The following DNAAF11 variants were observed in gnomAD, a reference collection of about 807,000 sequenced individuals.
DNAAF11 encodes the protein dynein axonemal assembly factor 11.
Under a neutral mutation model 60.8 loss-of-function variants are expected in DNAAF11, and 45 were observed. That is an observed-to-expected ratio of 0.74 (90% CI 0.58 to 0.95). The LOEUF (loss-of-function observed/expected upper bound fraction) is 0.95. DNAAF11 is among the 40% of genes least tolerant of loss of function. The probability of loss-of-function intolerance (pLI) is 0.00; values close to 1 mark genes in which losing one functional copy is unlikely to be tolerated. For missense variants in DNAAF11, 546 were observed against 546.2 expected, an observed-to-expected ratio of 1.00 and a Z score of 0.00; for synonymous variants, 191 against 183.5, an observed-to-expected ratio of 1.04 and a Z score of -0.33.
At chr8:132,692,612 T>G in the DNAAF11 span, among the ~76,000 whole-genome samples, 2 of 152,226 alleles carry the variant, frequency 1.3e-5, no homozygotes, top group African/African-American at 4.8e-5. Flanking sequence ...AGCCTAGTCA[T>G]TAGGCAGCCA....
chr8:132,615,980 G>A (rs540076515), intron 7 of DNAAF11, among the ~76,000 whole-genome samples: 1 of 152,196 alleles, frequency 6.6e-6, no homozygotes, highest in East Asian at 1.9e-4. Flanking sequence ...CAATAGTCAG[G>A]CCTGTGGGAC....
intron 3 of DNAAF11, among the ~76,000 whole-genome samples, chr8:132,654,836 T>C (rs1823388017): frequency 6.6e-6 from 1 of 151,806 alleles, no homozygotes; most frequent in Non-Finnish European, 1.5e-5. Flanking sequence ...CAACGACTCA[T>C]ATCAATAACC....
intron 5 of DNAAF11, among the ~76,000 whole-genome samples, chr8:132,630,683 A>T (rs762182343): frequency 1.3e-5 from 2 of 152,212 alleles, no homozygotes; most frequent in East Asian, 1.9e-4. Flanking sequence ...ACTCTCAATA[A>T]GAAAAAAACT....
chr8:132,639,135 T>G (rs1821605111), intron 3 of DNAAF11, among the ~76,000 whole-genome samples: 1 of 152,216 alleles, frequency 6.6e-6, no homozygotes, highest in South Asian at 2.1e-4. Context: ...AATTACCATA[T>G]GACTTCTCGG....
At chr8:132,658,375 T>A (rs1025775240) in intron 2 of DNAAF11, among the ~76,000 whole-genome samples, 3 of 152,158 alleles carry the variant, frequency 2.0e-5, no homozygotes, top group African/African-American at 7.2e-5. Flanking sequence ...CAGGCTGGAG[T>A]GCAGTGGCCC....
At chr8:132,659,325 A>G (rs1823898213) in intron 2 of DNAAF11, among the ~76,000 whole-genome samples, 1 of 152,234 alleles carries the variant, frequency 6.6e-6, no homozygotes, top group East Asian at 1.9e-4. Context: ...CTTGCTAAAT[A>G]AGTGCCTAAA....
chr8:132,699,818 A>G, the DNAAF11 span, among the ~76,000 whole-genome samples: 2 of 152,316 alleles, frequency 1.3e-5, no homozygotes, highest in East Asian at 3.9e-4. Context: ...AAACATACAA[A>G]CATTATGTTA....
At chr8:132,620,734 T>G (rs185249603) in intron 7 of DNAAF11, among the ~76,000 whole-genome samples, 2 of 152,172 alleles carry the variant, frequency 1.3e-5, no homozygotes, top group Non-Finnish European at 2.9e-5. Flanking sequence ...AATTATCTTA[T>G]GGTCTTCATG....
intron 1 of DNAAF11, among the ~76,000 whole-genome samples, chr8:132,668,243 C>T (rs949822291): frequency 6.6e-6 from 1 of 152,224 alleles, no homozygotes; most frequent in African/African-American, 2.4e-5. Flanking sequence ...CCAGGCTCAT[C>T]ATAATGAGCG....
intron 1 of DNAAF11, among the ~76,000 whole-genome samples, chr8:132,665,266 T>A (rs1301099753): frequency 6.6e-6 from 1 of 152,122 alleles, no homozygotes; most frequent in African/African-American, 2.4e-5. Flanking sequence ...TGTAAAGATA[T>A]CTTCATGGTG....
chr8:132,673,344 T>C (rs1037412619), intron 1 of DNAAF11, among the ~76,000 whole-genome samples: 1 of 152,168 alleles, frequency 6.6e-6, no homozygotes, highest in African/African-American at 2.4e-5. Context: ...AGGTAAAGCA[T>C]GTTAACCAAG....
intron 11 of DNAAF11, among the ~76,000 whole-genome samples, chr8:132,578,143 T>C (rs922983322): frequency 1.3e-5 from 2 of 152,174 alleles, no homozygotes; most frequent in African/African-American, 4.8e-5. Flanking sequence ...TATTTTGTCC[T>C]TGACTTTGAG....
At chr8:132,694,355 A>G in the DNAAF11 span, among the ~76,000 whole-genome samples, 1 of 152,184 alleles carries the variant, frequency 6.6e-6, no homozygotes, top group Admixed American at 6.6e-5. Context: ...TGGTGTCCTC[A>G]TAAGAAGGGG....
In DNAAF11 at chr8:132,656,647, T is replaced by TTTTGTA. The variant is rs1563695718; in HGVS notation, c.256+182_256+183insTACAAA. 1.1e-4 allele frequency among the ~76,000 whole-genome samples: 17 copies of TTTTGTA among 152,272 alleles called. No homozygotes were observed. The South Asian group carries it at 3.3e-3, about 30-fold the overall frequency. On this transcript the variant is annotated intron_variant, in intron 3 of 11. Coordinates refer to ENST00000620350, the MANE Select transcript of DNAAF11 (RefSeq NM_012472.6). ...CCACCACGCCTGGCTAATTTTTGTA[T>TTTTGTA]TTTTAGTAGAGACGGGGTTTAATCA...
At chr8:132,698,365 T>A in the DNAAF11 span, among the ~76,000 whole-genome samples, 1 of 118,838 alleles carries the variant, frequency 8.4e-6, no homozygotes, top group South Asian at 2.3e-4. Context: ...TTCTGACCCC[T>A]CCCAGCCAGC....
At chr8:132,674,694 G>A (rs1348719479) in intron 1 of DNAAF11, among the ~76,000 whole-genome samples, 1 of 152,188 alleles carries the variant, frequency 6.6e-6, no homozygotes, top group African/African-American at 2.4e-5. Context: ...TTCGAGACCA[G>A]CCTGGCCAAC....
intron 10 of DNAAF11, among the ~76,000 whole-genome samples, chr8:132,600,802 C>T (rs1189197352): frequency 2.6e-5 from 4 of 152,128 alleles, no homozygotes; most frequent in Admixed American, 6.5e-5. Context: ...AAATGTTAGA[C>T]CTAAAACCAT....
intron 10 of DNAAF11, among the ~76,000 whole-genome samples, chr8:132,592,614 C>T (rs1427611668): frequency 6.6e-6 from 1 of 152,102 alleles, no homozygotes; most frequent in East Asian, 1.9e-4. Context: ...AAAGGAGAAA[C>T]TGGCACCATA....
rs114485924 is a variant in DNAAF11, at chr8:132,635,552, G to T, written c.429+2383C>A. Among the ~76,000 whole-genome samples the T allele has an allele frequency of 4.1e-3, 626 of 152,236 alleles. 10 individuals are homozygous for T. Among genetic ancestry groups the T allele is most frequent in the African/African-American group, 0.014 (589 of 41,556 alleles). On this transcript the variant is annotated intron_variant, in intron 4 of 11. Coordinates refer to ENST00000620350, the MANE Select transcript of DNAAF11 (RefSeq NM_012472.6). ...ACTGGGAAGAAAAACCTTGAAAAGG[G>T]CTGACTCTCCTCACACCTCTTCTAT...
Sources: allele counts gnomAD v4.1 joint callset (sites outside exome capture counted in the v4.1 genomes callset), GRCh38; gene constraint gnomAD v4.1.1; transcripts MANE v1.5; gene names NCBI Gene and HGNC (gene_info 2026-07-23, HGNC 2026-07-21).